Variants in NBPF8 observed in about 807,000 individuals in gnomAD.
NBPF8 encodes NBPF family member NBPF8.
chr1:120,415,565 C>T (rs74818028), upstream of NBPF8, among the ~76,000 whole-genome samples: 1 of 152,146 alleles, frequency 6.6e-6, no homozygotes, highest in South Asian at 2.1e-4. Context: ...TTCGGGGGCA[C>T]GTCCTCGTGT....
intron 24 of NBPF8, 27 bp from the exon 23 acceptor site, chr1:120,465,951 C>T: frequency 1.2e-6 from 2 of 1,611,782 alleles, no homozygotes; most frequent in Non-Finnish European, 1.7e-6. Flanking sequence ...TCCCTGGCTG[C>T]TTCTTTAGTT....
exon 13 of NBPF8, chr1:120,452,154 C>G: frequency 6.2e-7 from 1 of 1,604,788 alleles, no homozygotes; most frequent in Non-Finnish European, 8.5e-7. Context: ...GGAACGAGAG[C>G]TGACCCAGTT....
At chr1:120,452,973 G>A (rs1484045230) in intron 13 of NBPF8, among the ~76,000 whole-genome samples, 1 of 151,590 alleles carries the variant, frequency 6.6e-6, no homozygotes, top group Non-Finnish European at 1.5e-5. Flanking sequence ...ATGCATAGAG[G>A]ACTGTGGGAC....
intron 17 of NBPF8, among the ~76,000 whole-genome samples, chr1:120,460,235 G>A (rs1553250094): frequency 0.016 from 2,466 of 152,252 alleles, 61 homozygotes; most frequent in African/African-American, 0.055. Flanking sequence ...TTTGATGAGA[G>A]AAAGCTTAAT....
chr1:120,462,160 C>G lies in NBPF8; in HGVS notation n.3024C>G, dbSNP rs1170527130. The G allele has an allele frequency of 1.4e-3, 708 of 497,676 alleles. 79 individuals carry two copies. Among genetic ancestry groups the G allele is most frequent in the South Asian group, 0.011 (690 of 60,500 alleles). The allele number at this position is 497,676 out of a possible 1,614,324, so 30.8% of individuals were successfully genotyped here. A position where few individuals can be genotyped will look rare whatever the true frequency, so the allele number is the denominator to read the frequency against. ...ACTTATTGCAGAAATTGAAAAGTAC[C>G]AAGAAGTGGAAGAAGACCAAGACCC... On this transcript the variant is annotated non_coding_transcript_exon_variant, in exon 20 of 25. Coordinates refer to ENST00000583271, the Ensembl canonical transcript of NBPF8.
At chr1:120,462,619 T>C (rs2101697837) in intron 20 of NBPF8, among the ~76,000 whole-genome samples, 175 bp from the exon 19 acceptor site, 1 of 89,008 alleles carries the variant, frequency 1.1e-5, no homozygotes, top group South Asian at 4.9e-4. Flanking sequence ...TCTCTTTCAT[T>C]CTTTTCTACC....
At chr1:120,434,457 A>C (rs1553247506), upstream of NBPF8, among the ~76,000 whole-genome samples, 23,002 of 144,116 alleles carry the variant, frequency 0.16, 2,573 homozygotes, top group East Asian at 0.54. Flanking sequence ...TGCTGCACCC[A>C]TTAACTCGTC....
chr1:120,435,615 G>A (rs1472521508), upstream of NBPF8, among the ~76,000 whole-genome samples: 11 of 148,622 alleles, frequency 7.4e-5, no homozygotes, highest in East Asian at 1.2e-3. Flanking sequence ...AGGCCGAGGC[G>A]GCAGATCACG....
At chr1:120,422,068 A>T (rs1660592488) in intron 1 of NBPF8, among the ~76,000 whole-genome samples, 1 of 152,148 alleles carries the variant, frequency 6.6e-6, no homozygotes, top group Non-Finnish European at 1.5e-5. Flanking sequence ...TAATTAAAAA[A>T]AAGTAATAGA....
At chr1:120,461,975 C>A (rs1361415349) in intron 19 of NBPF8, among the ~76,000 whole-genome samples, 171 bp from the exon 18 acceptor site, 1 of 82,176 alleles carries the variant, frequency 1.2e-5, no homozygotes. Context: ...GGGACAAAAA[C>A]CAAGGAATCT....
In NBPF8 at chr1:120,431,252, C is replaced by A. The variant is rs1308036416; in HGVS notation, n.510+3405C>A. On this transcript the variant is annotated intron_variant and non_coding_transcript_variant, in intron 3 of 28. Transcript: ENST00000652355. ...ATGTATACACACATACACACACAAA[C>A]GTGTGTGTGTGTGTGTGTGTGTGTG... is the stretch of plus-strand genomic sequence containing the variant. Among the ~76,000 whole-genome samples the A allele has an allele frequency of 5.6e-3, 697 of 125,316 alleles. 5 individuals are homozygous for A. The highest frequency in any genetic ancestry group is 8.6e-3 in the Admixed American group (109 of 12,678). 82.2% of individuals were successfully genotyped at this position (125,316 alleles called of 152,430 possible). A position where few individuals can be genotyped will look rare whatever the true frequency, so the allele number is the denominator to read the frequency against.
chr1:120,451,302 G>T lies in NBPF8; in HGVS notation n.2074+20G>T. On this transcript the variant is annotated intron_variant and non_coding_transcript_variant, in intron 12 of 24. Transcript: ENST00000583271. The stretch of plus-strand genomic sequence containing the variant: ...GCTCAGGTGAGGGGACCCCATGGGG[G>T]CAGGCAGGGGGCAGGTGTGTAAATC... 1 of 309,578 alleles carries T rather than the reference G, an allele frequency of 3.2e-6. No individual in the cohort carries two copies. Among genetic ancestry groups the T allele is most frequent in the East Asian group, 9.1e-5 (1 of 11,016 alleles). The allele number at this position is 309,578 out of a possible 1,614,324, so 19.2% of individuals were successfully genotyped here. A position where few individuals can be genotyped will look rare whatever the true frequency, so the allele number is the denominator to read the frequency against.
chr1:120,462,278 A>G, intron 20 of NBPF8, 81 bp downstream of exon 18: 1 of 682,876 alleles, frequency 1.5e-6, no homozygotes, highest in Non-Finnish European at 2.6e-6. Context: ...GAGTGTGTTC[A>G]ATTTCATGTT....
chr1:120,465,198 A>G, intron 23 of NBPF8, 65 bp from the exon 22 acceptor site: 1 of 354,148 alleles, frequency 2.8e-6, no homozygotes, highest in Non-Finnish European at 5.0e-6. Flanking sequence ...AGGATTAGAC[A>G]GTGGATTGTT....
upstream of NBPF8, among the ~76,000 whole-genome samples, chr1:120,435,807 A>T (rs1438462783): frequency 6.6e-6 from 1 of 151,766 alleles, no homozygotes; most frequent in Non-Finnish European, 1.5e-5. Context: ...CAGAGCTTGC[A>T]GTGAGCCTAG....
chr1:120,449,992 G>T (rs1661216568), intron 11 of NBPF8, among the ~76,000 whole-genome samples: 1 of 152,104 alleles, frequency 6.6e-6, no homozygotes, highest in South Asian at 2.1e-4. Flanking sequence ...ACTTTGGGAG[G>T]CTGAGGCGGG....
intron 24 of NBPF8, 118 bp from the exon 23 acceptor site, chr1:120,465,860 T>C: frequency 6.2e-7 from 1 of 1,607,870 alleles, no homozygotes; most frequent in East Asian, 2.2e-5. Flanking sequence ...GTTACCTCAT[T>C]AATGGATCTG....
chr1:120,421,942 G>A (rs1297089994), intron 1 of NBPF8, among the ~76,000 whole-genome samples: 1 of 152,082 alleles, frequency 6.6e-6, no homozygotes, highest in Non-Finnish European at 1.5e-5. Context: ...GAGGTAAATG[G>A]CACAGGCATT....
At chr1:120,419,336 G>A (rs1285907551), upstream of NBPF8, among the ~76,000 whole-genome samples, 62 of 152,226 alleles carry the variant, frequency 4.1e-4, 1 homozygote, top group Admixed American at 5.2e-4. Flanking sequence ...AGACCAGATA[G>A]ACCAGTAGAT....
Sources: allele counts gnomAD v4.1 joint callset (sites outside exome capture counted in the v4.1 genomes callset), GRCh38; gene constraint gnomAD v4.1.1; transcripts MANE v1.5; gene names NCBI Gene and HGNC (gene_info 2026-07-23, HGNC 2026-07-21).